Variants in ARRDC5 observed in about 807,000 individuals in gnomAD.
ARRDC5 encodes the protein arrestin domain-containing protein 5.
Under a neutral mutation model 13.3 loss-of-function variants are expected in ARRDC5, and 12 were observed. The ratio of observed to expected loss-of-function variants is 0.90; its 90% CI spans 0.58 to 1.46. The LOEUF (loss-of-function observed/expected upper bound fraction) is 1.46, where lower values mean the gene tolerates loss of function less well. Among genes scored for constraint, ARRDC5 ranks in the 40% most tolerant of loss-of-function variants. The pLI is 0.00. For synonymous variants in ARRDC5, 181 were observed against 173.4 expected (o/e 1.04, Z -0.34); for missense variants, 406 against 418.7 (o/e 0.97, Z 0.26).
intron 2 of ARRDC5, among the ~76,000 whole-genome samples, chr19:4,893,831 A>T (rs1397669504): frequency 6.7e-6 from 1 of 149,882 alleles, no homozygotes; most frequent in African/African-American, 2.5e-5. Context: ...TCACGAGGTC[A>T]GGAGATTGAG....
At chr19:4,912,111 G>A in the ARRDC5 span, among the ~76,000 whole-genome samples, 2 of 152,114 alleles carry the variant, frequency 1.3e-5, no homozygotes, top group African/African-American at 2.4e-5. Flanking sequence ...CCCTCTTCCC[G>A]TAAGAGACGT....
chr19:4,915,760 A>G, the ARRDC5 span, among the ~76,000 whole-genome samples: 2 of 152,196 alleles, frequency 1.3e-5, no homozygotes, highest in Non-Finnish European at 2.9e-5. Context: ...GGTGCAGGCC[A>G]GAATTGTCCC....
rs1269288017 is a variant in ARRDC5, at chr19:4,894,062, AGAG to A, written c.460-2492_460-2490del. ...GACTCTGCCTAAAAAAAAAAAAAAA[AGAG>A]GAGAAGAAGAAGAAAGAAGAAGAAG... On this transcript the variant is annotated intron_variant, in intron 2 of 2. Transcript: ENST00000650722. Among the ~76,000 whole-genome samples, 14 of 135,110 alleles carry A rather than the reference AGAG, an allele frequency of 1.0e-4. No homozygotes were observed. The East Asian group carries it at 2.7e-3, about 26-fold the overall frequency. 88.6% of individuals were successfully genotyped at this position (135,110 alleles called of 152,430 possible). A position where few individuals can be genotyped will look rare whatever the true frequency, so the allele number is the denominator to read the frequency against.
At chr19:4,907,516 T>G (rs1599229023), upstream of ARRDC5, among the ~76,000 whole-genome samples, 1 of 152,072 alleles carries the variant, frequency 6.6e-6, no homozygotes, top group Non-Finnish European at 1.5e-5. Context: ...GTTATCTGCC[T>G]GCCTCGGCCT....
At chr19:4,912,615 GTCTT>G in the ARRDC5 span, among the ~76,000 whole-genome samples, 2 of 152,140 alleles carry the variant, frequency 1.3e-5, no homozygotes, top group African/African-American at 4.8e-5. Flanking sequence ...GAAGCGCTCT[GTCTT>G]TCTCTCTGCC....
At chr19:4,913,968 T>C in the ARRDC5 span, among the ~76,000 whole-genome samples, 2 of 151,986 alleles carry the variant, frequency 1.3e-5, no homozygotes, top group African/African-American at 4.8e-5. Flanking sequence ...TGCGCCACCA[T>C]GCGCAGCTAA....
upstream of ARRDC5, among the ~76,000 whole-genome samples, chr19:4,905,355 G>A (rs1231354680): frequency 6.6e-6 from 1 of 150,834 alleles, no homozygotes; most frequent in African/African-American, 2.4e-5. Context: ...TCCTGACCTC[G>A]TGATCCACCT....
upstream of ARRDC5, among the ~76,000 whole-genome samples, chr19:4,907,760 T>TG (rs1253638613): frequency 7.9e-6 from 1 of 127,224 alleles, no homozygotes; most frequent in Non-Finnish European, 1.6e-5. Flanking sequence ...TTGCCCAGGC[T>TG]GGAGTGCAAT....
chr19:4,905,976 G>A (rs2032057236), upstream of ARRDC5, among the ~76,000 whole-genome samples: 1 of 152,088 alleles, frequency 6.6e-6, no homozygotes, highest in South Asian at 2.1e-4. Flanking sequence ...ATTAACTTGA[G>A]CAATTATTAC....
chr19:4,911,775 T>TG, the ARRDC5 span, among the ~76,000 whole-genome samples: 1 of 152,180 alleles, frequency 6.6e-6, no homozygotes, highest in African/African-American at 2.4e-5. Context: ...TGGGGGACTG[T>TG]GGGACCTACT....
At chr19:4,909,996 T>G in the ARRDC5 span, 2 of 181,894 alleles carry the variant, frequency 1.1e-5, no homozygotes, top group Non-Finnish European at 2.3e-5. Context: ...TCGCGCGCCC[T>G]GAGTTCCCCG....
chr19:4,910,747 C>T, the ARRDC5 span: 7 of 1,173,338 alleles, frequency 6.0e-6, no homozygotes, highest in South Asian at 5.6e-5. Flanking sequence ...TACAGGAGGA[C>T]TGGAAGGGCA....
chr19:4,905,217 C>T (rs1470343576), upstream of ARRDC5, among the ~76,000 whole-genome samples: 17 of 146,310 alleles, frequency 1.2e-4, no homozygotes, highest in South Asian at 2.2e-4. Flanking sequence ...CCCAGGTTCA[C>T]GCCATTCTCC....
At position 4,891,670 on chromosome 19, in the gene ARRDC5, G is replaced by C. The variant is rs1369334076; in HGVS notation, c.460-97C>G. ...CCCTGGGAACTCCTCAAAGTCTGTG[G>C]GGCTGGCTGGGCACGATAGCTCACG... On this transcript the variant is annotated intron_variant, in intron 2 of 2. Coordinates refer to ENST00000650722, the MANE Select transcript of ARRDC5 (RefSeq NM_001080523.3). 3 of 1,110,014 alleles carry C rather than the reference G, an allele frequency of 2.7e-6. No homozygotes were observed. The African/African-American group carries it at 4.7e-5, about 18-fold the overall frequency. The allele number at this position is 1,110,014 out of a possible 1,614,324, so 68.8% of individuals were successfully genotyped here. A position where few individuals can be genotyped will look rare whatever the true frequency, so the allele number is the denominator to read the frequency against.
In ARRDC5 at chr19:4,891,340, C is replaced by G. The variant is rs753082752; in HGVS notation, c.693G>C (p.Leu231=). ...FTPSAERRSR[L]DSSELLRQEA... ...CCTGCCTCAGAAGCTCGCTGCTGTCCAGCCGAGACCGCCGCTCTGCACTGG... is the reference window on the plus strand; with the variant it reads ...CCTGCCTCAGAAGCTCGCTGCTGTCGAGCCGAGACCGCCGCTCTGCACTGG... The change falls in exon 3 of 3, where the codon CTG becomes CTC. Residue 231 remains leucine (L), a synonymous_variant. Coordinates refer to ENST00000650722, the MANE Select transcript of ARRDC5 (RefSeq NM_001080523.3). The G allele has an allele frequency of 1.9e-6, 3 of 1,613,824 alleles. No individual in the cohort carries two copies. The highest frequency in any genetic ancestry group is 3.3e-5 in the Admixed American group (2 of 60,012).
At chr19:4,910,658 T>C in the ARRDC5 span, 1 of 419,328 alleles carries the variant, frequency 2.4e-6, no homozygotes, top group Non-Finnish European at 4.2e-6. Context: ...TCCTTCCTCC[T>C]CAATCTTCAA....
the ARRDC5 span, chr19:4,910,551 C>T: frequency 1.5e-5 from 4 of 268,078 alleles, no homozygotes; most frequent in African/African-American, 2.2e-5. Context: ...AACGAACCAA[C>T]TCGGCCACTT....
chr19:4,890,776 C>A lies in ARRDC5; in HGVS notation c.*270G>T. ...ACCCCTGGTCTTGGCACTGTGAGAC[C>A]CCAGTAGGCTGGGGCAGACTCAGGG... On this transcript the variant is annotated 3_prime_UTR_variant, in exon 3 of 3. Coordinates refer to ENST00000650722, the MANE Select transcript of ARRDC5 (RefSeq NM_001080523.3). The A allele has an allele frequency of 2.4e-6, 1 of 413,744 alleles. No individual in the cohort carries two copies. 25.6% of individuals were successfully genotyped at this position (413,744 alleles called of 1,614,324 possible).
At chr19:4,902,231 T>C (rs1045451372) in intron 1 of ARRDC5, among the ~76,000 whole-genome samples, 1 of 152,146 alleles carries the variant, frequency 6.6e-6, no homozygotes, top group African/African-American at 2.4e-5. Flanking sequence ...ACTGCCTACT[T>C]TGTCTCCTGG....
Sources: allele counts gnomAD v4.1 joint callset (sites outside exome capture counted in the v4.1 genomes callset), GRCh38; gene constraint gnomAD v4.1.1; transcripts MANE v1.5; gene names NCBI Gene and HGNC (gene_info 2026-07-23, HGNC 2026-07-21).